Variants in MTMR8 observed in about 807,000 individuals in gnomAD.
MTMR8 encodes myotubularin related protein 8.
In MTMR8, 65 loss-of-function variants were observed where a neutral mutation model predicts 39.3. The observed-to-expected ratio is 1.65, with a 90% CI of 1.35 to 2.03. MTMR8 has a LOEUF of 2.03. Ranked by LOEUF, MTMR8 falls within the 30% of genes most tolerant of loss-of-function variation. MTMR8 has a pLI of 0.00. For synonymous variants in MTMR8, 245 were observed against 185.2 expected (o/e 1.32, Z -2.62); for missense variants, 777 against 538.9 (o/e 1.44, Z -4.37).
At chrX:64,385,249 G>A (rs942161696) in intron 1 of MTMR8, among the ~76,000 whole-genome samples, 3 of 111,747 alleles carry the variant, frequency 2.7e-5, no homozygotes, top group Non-Finnish European at 5.6e-5. Flanking sequence ...TTCCACCTGA[G>A]ACCTCATCAG....
At chrX:64,291,489 T>A (rs1041967398) in intron 12 of MTMR8, among the ~76,000 whole-genome samples, 1 of 110,876 alleles carries the variant, frequency 9.0e-6, no homozygotes, top group African/African-American at 3.3e-5. Flanking sequence ...TCTACACTCA[T>A]GCTAACCTGT....
At chrX:64,290,923 G>A (rs1438864004) in intron 12 of MTMR8, among the ~76,000 whole-genome samples, 1 of 111,907 alleles carries the variant, frequency 8.9e-6, no homozygotes, top group Non-Finnish European at 1.9e-5. Flanking sequence ...AAGTATTCAT[G>A]TAGAGGTTTT....
intron 4 of MTMR8, among the ~76,000 whole-genome samples, chrX:64,353,687 C>G (rs1923542689): frequency 9.0e-6 from 1 of 111,591 alleles, no homozygotes; most frequent in Non-Finnish European, 1.9e-5. Flanking sequence ...GTGGTTCACA[C>G]CTATAATCCC....
chrX:64,332,639 T>C (rs1476345117), intron 10 of MTMR8, among the ~76,000 whole-genome samples: 1 of 111,921 alleles, frequency 8.9e-6, no homozygotes, highest in Non-Finnish European at 1.9e-5. Context: ...CCTTCCACAA[T>C]GCTGTCTTCT....
At chrX:64,343,586 A>C (rs745373570) in intron 8 of MTMR8, 25 bp downstream of exon 8, 1 of 1,026,872 alleles carries the variant, frequency 9.7e-7, no homozygotes, top group South Asian at 2.0e-5. Context: ...AAGTCAGTGC[A>C]AATTTTAAAA....
intron 1 of MTMR8, among the ~76,000 whole-genome samples, chrX:64,388,951 A>G (rs1924630024): frequency 8.9e-6 from 1 of 112,075 alleles, no homozygotes; most frequent in East Asian, 2.8e-4. Flanking sequence ...AAATGCTAGT[A>G]TATCCACTCA....
In MTMR8 at chrX:64,395,429, G is replaced by C; in HGVS notation, c.-66C>G. The C allele has an allele frequency of 8.9e-7, 1 of 1,122,434 alleles. No individual in the cohort carries two copies. Among genetic ancestry groups the C allele is most frequent in the Non-Finnish European group, 1.2e-6 (1 of 820,376 alleles). The allele number at this position is 1,122,434 out of a possible 1,213,427, so 92.5% of individuals were successfully genotyped here. On this transcript the variant is annotated 5_prime_UTR_variant, in exon 1 of 14. Transcript: ENST00000374852. The stretch of plus-strand genomic sequence containing the variant: ...AGATGCCGCCGCCACCGGTCTAGCC[G>C]CCTCCTGCCTCAACCCGGGTTTCTA...
At chrX:64,277,889 C>T (rs1931915219) in intron 12 of MTMR8, among the ~76,000 whole-genome samples, 1 of 110,763 alleles carries the variant, frequency 9.0e-6, no homozygotes, top group Non-Finnish European at 1.9e-5. Context: ...TTGGTCCTTT[C>T]ACATAGTCCC....
rs769335643 is a variant in MTMR8 at position 64,395,414 on chromosome X, G to A, written c.-51C>T. On this transcript the variant is annotated 5_prime_UTR_variant, in exon 1 of 14. Coordinates refer to ENST00000374852, the MANE Select transcript of MTMR8 (RefSeq NM_017677.4). ...TCTCAGTGCTACTCCAGATGCCGCCGCCACCGGTCTAGCCGCCTCCTGCCT... is the reference window on the plus strand; with the variant it reads ...TCTCAGTGCTACTCCAGATGCCGCCACCACCGGTCTAGCCGCCTCCTGCCT... The A allele has an allele frequency of 1.7e-6, 2 of 1,178,120 alleles. No individual in the cohort carries two copies. Among genetic ancestry groups the A allele is most frequent in the South Asian group, 1.8e-5 (1 of 55,772 alleles).
In MTMR8 at chrX:64,268,677, C is replaced by T. The variant is rs777697612; in HGVS notation, c.1975G>A (p.Asp659Asn). The change falls in exon 14 of 14, where the codon GAC becomes AAC. Residue 659 changes from aspartate (D) to asparagine (N), a missense_variant. By Grantham distance (23) the Asp-to-Asn change is conservative. Transcript: ENST00000374852. ...GAGATGCCAGTGGCCTCAGAGATGT[C>T]CATGGCCCCACAGATTCCTAAGTCT... is the stretch of plus-strand genomic sequence containing the variant. ...SKDLGICGAM[D>N]ISEATGISGN... 2.5e-6 allele frequency: 3 copies of T among 1,211,669 alleles called. No homozygotes were observed. In the Admixed American group the frequency reaches 6.5e-5, roughly 26 times the overall value.
intron 7 of MTMR8, among the ~76,000 whole-genome samples, chrX:64,344,055 T>TA (rs59264715): frequency 0.13 from 14,392 of 109,957 alleles, 2,315 homozygotes; most frequent in African/African-American, 0.45. Flanking sequence ...CCCACCCACT[T>TA]ATGCTAACTC....
chrX:64,294,573 T>C (rs1314459082), intron 12 of MTMR8, among the ~76,000 whole-genome samples: 1 of 111,963 alleles, frequency 8.9e-6, no homozygotes, highest in Non-Finnish European at 1.9e-5. Context: ...CTTAGGCTGC[T>C]ATAACAAAAT....
chrX:64,271,528 G>A (rs912190704), intron 12 of MTMR8, among the ~76,000 whole-genome samples: 2 of 111,887 alleles, frequency 1.8e-5, no homozygotes, highest in Non-Finnish European at 3.8e-5. Context: ...CCCTGGATAA[G>A]TATGAAACCA....
chrX:64,289,636 C>CAAAAAAAAAAA lies in MTMR8; in HGVS notation c.1482-18574_1482-18564dup, dbSNP rs749879321. 6.8e-4 allele frequency among the ~76,000 whole-genome samples: 18 copies of CAAAAAAAAAAA among 26,418 alleles called. 1 individual carries two copies. The highest frequency in any genetic ancestry group is 1.8e-3 in the African/African-American group (18 of 9,753). The allele number at this position is 26,418 out of a possible 115,157, so 22.9% of individuals were successfully genotyped here. On this transcript the variant is annotated intron_variant, in intron 12 of 13. Transcript: ENST00000374852. ...TGGGTGACAGAGTGAGACTCCATCGCAAAAAAAAAAAAAAAAAAAAAAAAA... is the reference window on the plus strand; with the variant it reads ...TGGGTGACAGAGTGAGACTCCATCGCAAAAAAAAAAAAAAAAAAAAAAAAAAAAAAAAAAAA...
intron 12 of MTMR8, among the ~76,000 whole-genome samples, chrX:64,300,858 A>C (rs1921838804): frequency 9.1e-6 from 1 of 109,576 alleles, no homozygotes; most frequent in African/African-American, 3.3e-5. Flanking sequence ...CTGGATATGA[A>C]ATTCTGGGTT....
intron 12 of MTMR8, among the ~76,000 whole-genome samples, chrX:64,311,816 A>T (rs1360185545): frequency 1.1e-5 from 1 of 92,297 alleles, no homozygotes; most frequent in Non-Finnish European, 2.1e-5. Flanking sequence ...ATGGTTCTAG[A>T]TGTGTGGTGT....
At chrX:64,368,859 A>G (rs766621533) in intron 1 of MTMR8, among the ~76,000 whole-genome samples, 14 of 112,436 alleles carry the variant, frequency 1.2e-4, no homozygotes, top group African/African-American at 4.2e-4. Flanking sequence ...CAATCTACCC[A>G]TCTGACAAAG....
chrX:64,304,881 T>C lies in MTMR8; in HGVS notation c.1481+23891A>G, dbSNP rs1189470476. ...ACATTTATATATATATATATATATA[T>C]ATATATATATATATATATATATATA... is the stretch of plus-strand genomic sequence containing the variant. On this transcript the variant is annotated intron_variant, in intron 12 of 13. Coordinates refer to ENST00000374852, the MANE Select transcript of MTMR8 (RefSeq NM_017677.4). Among the ~76,000 whole-genome samples the C allele has an allele frequency of 1.7e-3, 126 of 75,008 alleles. 1 individual carries two copies. Among genetic ancestry groups the C allele is most frequent in the African/African-American group, 5.6e-3 (116 of 20,696 alleles). 65.1% of individuals were successfully genotyped at this position (75,008 alleles called of 115,157 possible). A position where few individuals can be genotyped will look rare whatever the true frequency, so the allele number is the denominator to read the frequency against.
intron 12 of MTMR8, among the ~76,000 whole-genome samples, chrX:64,278,919 G>A (rs1257255455): frequency 8.9e-6 from 1 of 111,871 alleles, no homozygotes; most frequent in Non-Finnish European, 1.9e-5. Flanking sequence ...AGCAAAGATT[G>A]CTGCCTGTTC....
Sources: allele counts gnomAD v4.1 joint callset (sites outside exome capture counted in the v4.1 genomes callset), GRCh38; gene constraint gnomAD v4.1.1; transcripts MANE v1.5; gene names NCBI Gene and HGNC (gene_info 2026-07-23, HGNC 2026-07-21).